The following TRAPPC9 variants were observed in gnomAD, a reference collection of about 807,000 sequenced individuals.
TRAPPC9 encodes IKK2 binding protein.
A neutral mutation model predicts 124.0 loss-of-function variants in TRAPPC9; 83 were observed. The ratio of observed to expected loss-of-function variants is 0.67; its 90% CI spans 0.56 to 0.80. The LOEUF (loss-of-function observed/expected upper bound fraction) is 0.80, where lower values mean the gene tolerates loss of function less well. TRAPPC9 is among the 30% of genes least tolerant of loss of function. The probability of loss-of-function intolerance (pLI) is 0.00; values close to 1 mark genes in which losing one functional copy is unlikely to be tolerated. For synonymous variants in TRAPPC9, 638 were observed against 617.5 expected, an observed-to-expected ratio of 1.03 and a Z score of -0.49; for missense variants, 1,302 against 1,508.3, an observed-to-expected ratio of 0.86 and a Z score of 2.27.
At chr8:139,812,393 C>T (rs1321286160) in intron 21 of TRAPPC9, among the ~76,000 whole-genome samples, 1 of 152,162 alleles carries the variant, frequency 6.6e-6, no homozygotes, top group Non-Finnish European at 1.5e-5. Flanking sequence ...AGCCCACAGA[C>T]GATGTCTAAC....
chr8:139,757,359 G>C (rs1819912308), intron 21 of TRAPPC9, among the ~76,000 whole-genome samples: 1 of 147,034 alleles, frequency 6.8e-6, no homozygotes, highest in African/African-American at 2.5e-5. Flanking sequence ...CGCAGGAGGA[G>C]CCAGCGTTGG....
At chr8:140,034,920 C>T (rs141756933) in intron 17 of TRAPPC9, among the ~76,000 whole-genome samples, 30 of 152,370 alleles carry the variant, frequency 2.0e-4, no homozygotes, top group Non-Finnish European at 3.5e-4. Context: ...AAAGCTGGCG[C>T]TGCCCTGAAG....
intron 21 of TRAPPC9, among the ~76,000 whole-genome samples, chr8:139,809,090 T>A (rs1323573738): frequency 6.6e-6 from 1 of 152,230 alleles, no homozygotes; most frequent in African/African-American, 2.4e-5. Context: ...TATTTCATTA[T>A]CAAAAACATC....
intron 17 of TRAPPC9, among the ~76,000 whole-genome samples, chr8:140,068,589 G>A (rs771234810): frequency 4.6e-5 from 7 of 152,154 alleles, no homozygotes; most frequent in African/African-American, 9.7e-5. Context: ...ACTCAGCCAC[G>A]CTTGTCATGA....
rs534403351 is a variant in TRAPPC9 at position 139,759,530 on chromosome 8, T to C, written c.3056-27328A>G. On this transcript the variant is annotated intron_variant, in intron 21 of 22. Coordinates refer to ENST00000438773, the MANE Select transcript of TRAPPC9 (RefSeq NM_001160372.4). ...GGGAATTCAAAGGCCCGGAAAGATA[T>C]GGAGAGGACAGACTCGGCTTCTTGA... Among the ~76,000 whole-genome samples the C allele has an allele frequency of 6.8e-4, 104 of 152,022 alleles. 1 individual carries two copies. The highest frequency in any genetic ancestry group is 1.4e-3 in the Non-Finnish European group (97 of 68,002).
At chr8:139,756,006 G>A (rs1358812517) in intron 21 of TRAPPC9, among the ~76,000 whole-genome samples, 1 of 132,938 alleles carries the variant, frequency 7.5e-6, no homozygotes, top group Non-Finnish European at 1.6e-5. Context: ...CCAGGGTTTG[G>A]GGATGAGGAC....
chr8:140,319,592 G>A (rs545467331), intron 9 of TRAPPC9, among the ~76,000 whole-genome samples: 31 of 151,990 alleles, frequency 2.0e-4, no homozygotes, highest in Non-Finnish European at 2.9e-4. Context: ...TCAGCCTACC[G>A]GATAGCTGGG....
intron 17 of TRAPPC9, among the ~76,000 whole-genome samples, chr8:140,220,465 G>A (rs1034100658): frequency 6.6e-6 from 1 of 152,158 alleles, no homozygotes; most frequent in Non-Finnish European, 1.5e-5. Context: ...CAGGAATGGG[G>A]CACTCCCCGC....
intron 17 of TRAPPC9, among the ~76,000 whole-genome samples, chr8:140,212,432 C>T (rs1248202940): frequency 6.6e-6 from 1 of 152,192 alleles, no homozygotes; most frequent in Non-Finnish European, 1.5e-5. Context: ...TTGCATTCCC[C>T]AGATAAACCC....
chr8:140,254,150 G>A (rs558953130), intron 15 of TRAPPC9, among the ~76,000 whole-genome samples: 2 of 152,304 alleles, frequency 1.3e-5, no homozygotes, highest in South Asian at 2.1e-4. Flanking sequence ...AAAACTGGGA[G>A]GGCCCCAAAC....
chr8:140,129,006 A>ATT (rs1563783130), intron 17 of TRAPPC9, among the ~76,000 whole-genome samples: 1 of 82,876 alleles, frequency 1.2e-5, no homozygotes, highest in African/African-American at 4.5e-5. Flanking sequence ...TATATATATT[A>ATT]AAAAAAAAAA....
chr8:139,790,348 C>A (rs776482641), intron 21 of TRAPPC9, among the ~76,000 whole-genome samples: 3 of 152,238 alleles, frequency 2.0e-5, no homozygotes, highest in East Asian at 3.9e-4. Flanking sequence ...AGAAACTGTG[C>A]GCTGAGAATG....
intron 19 of TRAPPC9, among the ~76,000 whole-genome samples, chr8:139,983,918 C>T (rs1277032306): frequency 6.6e-6 from 1 of 152,128 alleles, no homozygotes; most frequent in Non-Finnish European, 1.5e-5. Flanking sequence ...AAAATGAGGA[C>T]ACTGTTCCCA....
At position 140,451,473 on chromosome 8, in the gene TRAPPC9, C is replaced by T; in HGVS notation, c.-10-90G>A. On this transcript the variant is annotated intron_variant, in intron 1 of 22. Transcript: ENST00000438773. Reference sequence around the variant, plus strand: ...GAGGCAGTGACTGTGACCTTCACTACCCAGAGGCAGGGGAAGCCCCAAGGA... The same window carrying T: ...GAGGCAGTGACTGTGACCTTCACTATCCAGAGGCAGGGGAAGCCCCAAGGA... 3 of 1,114,234 alleles carry T rather than the reference C, an allele frequency of 2.7e-6. No individual in the cohort carries two copies. In the South Asian group the frequency reaches 3.9e-5, roughly 15 times the overall value. 69.0% of individuals were successfully genotyped at this position (1,114,234 alleles called of 1,614,324 possible).
At chr8:140,441,416 G>A (rs945759213) in intron 2 of TRAPPC9, among the ~76,000 whole-genome samples, 5 of 152,062 alleles carry the variant, frequency 3.3e-5, no homozygotes, top group African/African-American at 1.2e-4. Flanking sequence ...ACATGAATAA[G>A]TTTACAAATA....
At chr8:140,275,918 C>T in intron 14 of TRAPPC9, 97 bp from the exon 15 acceptor site, 1 of 1,006,820 alleles carries the variant, frequency 9.9e-7, no homozygotes, top group South Asian at 1.4e-5. Context: ...CATACTCATG[C>T]ATTTCAGAAA....
intron 17 of TRAPPC9, among the ~76,000 whole-genome samples, chr8:140,185,584 C>T (rs1028725544): frequency 6.6e-6 from 1 of 152,206 alleles, no homozygotes; most frequent in Non-Finnish European, 1.5e-5. Context: ...CGTGTCCCAC[C>T]AGACGGAGAA....
rs1236098347 is a variant in TRAPPC9, at chr8:140,063,268, C to T, written c.2557-39189G>A. ...GCACAAAGCCTAAGCATATCACCAA[C>T]ACATTTTGGTTTTCAGTTACTCCTC... On this transcript the variant is annotated intron_variant, in intron 17 of 22. Coordinates refer to ENST00000438773, the MANE Select transcript of TRAPPC9 (RefSeq NM_001160372.4). The surrounding 1 kb of genome is among the most constrained non-coding windows in gnomAD (Gnocchi z 4.3). Among the ~76,000 whole-genome samples the T allele has an allele frequency of 5.3e-5, 8 of 152,232 alleles. No individual in the cohort carries two copies. The highest frequency in any genetic ancestry group is 1.2e-4 in the Non-Finnish European group (8 of 68,040).
chr8:139,954,332 G>A lies in TRAPPC9; in HGVS notation c.2810+34394C>T, dbSNP rs558418734. Among the ~76,000 whole-genome samples the A allele has an allele frequency of 1.1e-4, 17 of 152,256 alleles. No homozygotes were observed. In the South Asian group the frequency reaches 2.3e-3, roughly 20 times the overall value. On this transcript the variant is annotated intron_variant, in intron 19 of 22. Coordinates refer to ENST00000438773, the MANE Select transcript of TRAPPC9 (RefSeq NM_001160372.4). The stretch of plus-strand genomic sequence containing the variant: ...CAGTTGTGATGGACTGAGTGACTGC[G>A]TCCCCCAGTAATTCATATGTTGTAC...
Sources: allele counts gnomAD v4.1 joint callset (sites outside exome capture counted in the v4.1 genomes callset), GRCh38; gene constraint gnomAD v4.1.1; non-coding constraint Gnocchi (gnomAD v3.1); transcripts MANE v1.5; gene names NCBI Gene and HGNC (gene_info 2026-07-23, HGNC 2026-07-21).